SNX14: variants seen among roughly 807,000 people sequenced by gnomAD.
SNX14 encodes sorting nexin-14.
SNX14 carries 93 observed loss-of-function variants against 133.8 expected under a neutral mutation model. The ratio of observed to expected loss-of-function variants is 0.70; its 90% CI spans 0.59 to 0.83. The LOEUF is 0.83. Ranked by LOEUF, SNX14 falls within the 40% of genes least tolerant of loss-of-function variation. The pLI, the probability that SNX14 is intolerant of heterozygous loss-of-function variation, is 0.00. For synonymous variants in SNX14, 368 were observed against 365.6 expected (o/e 1.01, Z -0.07); for missense variants, 945 against 1,094.9 (o/e 0.86, Z 1.93).
intron 6 of SNX14, chr6:85,561,414 G>A (rs1435088361): frequency 6.6e-6 from 1 of 151,600 alleles, no homozygotes; most frequent in Non-Finnish European, 1.5e-5. Flanking sequence ...ACGTTTATTA[G>A]CTAACCGTAA....
At chr6:85,528,013 C>A (rs1183190503) in intron 20 of SNX14, among the ~76,000 whole-genome samples, 1 of 151,794 alleles carries the variant, frequency 6.6e-6, no homozygotes, top group Non-Finnish European at 1.5e-5. Flanking sequence ...TTGTAACTAG[C>A]CTAAAACTAA....
chr6:85,550,750 C>G (rs1462452255), intron 7 of SNX14, among the ~76,000 whole-genome samples: 1 of 151,854 alleles, frequency 6.6e-6, no homozygotes, highest in Non-Finnish European at 1.5e-5. Flanking sequence ...CTGCTCACTC[C>G]GGCCTCCCAA....
chr6:85,566,070 C>T (rs550975606), intron 5 of SNX14, among the ~76,000 whole-genome samples: 1 of 152,308 alleles, frequency 6.6e-6, no homozygotes, highest in African/African-American at 2.4e-5. Context: ...ATTGTATCAA[C>T]CATGCTTCCC....
At chr6:85,526,073 A>T in intron 21 of SNX14, 53 bp downstream of exon 21, 1 of 1,194,296 alleles carries the variant, frequency 8.4e-7, no homozygotes, top group Non-Finnish European at 1.2e-6. Flanking sequence ...TAATCTGAAA[A>T]TGCTGATTCT....
chr6:85,545,984 A>C (rs1009520561), intron 12 of SNX14, among the ~76,000 whole-genome samples: 1 of 152,180 alleles, frequency 6.6e-6, no homozygotes, highest in Non-Finnish European at 1.5e-5. Flanking sequence ...CGCCTTGCCC[A>C]AACTACTTAT....
intron 13 of SNX14, 92 bp from the exon 14 acceptor site, chr6:85,543,398 CTAGAT>C: frequency 1.6e-6 from 2 of 1,240,692 alleles, no homozygotes; most frequent in Non-Finnish European, 2.2e-6. Context: ...CTGAAACACA[CTAGAT>C]TGAGAAATTA....
chr6:85,583,412 C>T (rs1799661626), intron 1 of SNX14, among the ~76,000 whole-genome samples: 1 of 152,112 alleles, frequency 6.6e-6, no homozygotes, highest in South Asian at 2.1e-4. Context: ...GGCAATCAGG[C>T]AAAAGAAAGA....
chr6:85,521,254 G>T lies in SNX14; in HGVS notation c.2108-3206C>A, dbSNP rs538784141. On this transcript the variant is annotated intron_variant, in intron 21 of 28. Transcript: ENST00000314673. ...AAGTGTTTTTTCTTTTGTTTTTAGAGAAAGGGTCTCACTCTGTCACTCAGG... is the reference window on the plus strand; with the variant it reads ...AAGTGTTTTTTCTTTTGTTTTTAGATAAAGGGTCTCACTCTGTCACTCAGG... Among the ~76,000 whole-genome samples the T allele has an allele frequency of 1.2e-3, 177 of 152,172 alleles. 1 individual carries two copies. The highest frequency in any genetic ancestry group is 3.9e-3 in the African/African-American group (163 of 41,516).
Position 85,574,345 on chromosome 6 carries a change from A to T in SNX14, c.174T>A (p.Phe58Leu). The change falls in exon 2 of 29, where the codon TTT (phenylalanine) becomes TTA (leucine). Residue 58 changes from phenylalanine (F) to leucine (L), a missense_variant. Physicochemically the swap from Phe to Leu is conservative, Grantham distance 22 (BLOSUM62 0). Coordinates refer to ENST00000314673, the MANE Select transcript of SNX14 (RefSeq NM_153816.6). ...AGTAGAATGTGACAACTCCAGCAAC[A>T]AATGACCAGAAGATCATTAAAATAT... Reference protein sequence around the residue: ...YIHILMIFWSFVAGVVTFYCS... With the variant: ...YIHILMIFWSLVAGVVTFYCS... The T allele has an allele frequency of 6.4e-7, 1 of 1,571,532 alleles. No individual in the cohort carries two copies. Among genetic ancestry groups the T allele is most frequent in the South Asian group, 1.1e-5 (1 of 88,532 alleles).
chr6:85,512,313 G>A (rs1417998666), intron 26 of SNX14, among the ~76,000 whole-genome samples: 1 of 152,038 alleles, frequency 6.6e-6, no homozygotes, highest in Non-Finnish European at 1.5e-5. Context: ...GGCCCTGGAG[G>A]TAAAACTCAC....
chr6:85,533,680 C>A lies in SNX14; in HGVS notation c.1729G>T (p.Asp577Tyr), dbSNP rs1450820735. 2.5e-6 allele frequency: 4 copies of A among 1,613,846 alleles called. No homozygotes were observed. The highest frequency in any genetic ancestry group is 3.4e-6 in the Non-Finnish European group (4 of 1,180,010). ...ISIPYVDFFE[D>Y]PSSERKEKKE... ...TTCTCCTTCCTTTCAGAGGAGGGAT[C>A]CTCAAAAAAGTCTACATATGGAATG... The change falls in exon 18 of 29, where the codon GAT becomes TAT. Residue 577 changes from aspartate to tyrosine, a missense_variant. By Grantham distance (160) the Asp-to-Tyr change is radical. Coordinates refer to ENST00000314673, the MANE Select transcript of SNX14 (RefSeq NM_153816.6).
intron 1 of SNX14, among the ~76,000 whole-genome samples, chr6:85,578,185 G>A (rs115731820): frequency 2.8e-3 from 427 of 152,250 alleles, no homozygotes; most frequent in African/African-American, 9.7e-3. Context: ...GAGTTGTTAG[G>A]ATTCAGAATC....
At chr6:85,541,731 A>C (rs1424869421) in intron 15 of SNX14, among the ~76,000 whole-genome samples, 1 of 152,202 alleles carries the variant, frequency 6.6e-6, no homozygotes, top group Non-Finnish European at 1.5e-5. Flanking sequence ...AAAGCTGGTA[A>C]TCAAAACTAA....
At position 85,581,721 on chromosome 6, in the gene SNX14, TAG is replaced by T. The variant is rs1486392918; in HGVS notation, c.141-7345_141-7344del. 7 of 152,314 alleles carry T rather than the reference TAG, an allele frequency of 4.6e-5. No individual in the cohort carries two copies. In the East Asian group the frequency reaches 1.3e-3, roughly 29 times the overall value. The allele number at this position is 152,314 out of a possible 1,614,324, so 9.4% of individuals were successfully genotyped here. ...GCAACTGACATATAGAAGAATGCAT[TAG>T]AGTCTCTTAATAGTAGAAGTGATCA... On this transcript the variant is annotated intron_variant, in intron 1 of 28. Coordinates refer to ENST00000314673, the MANE Select transcript of SNX14 (RefSeq NM_153816.6).
intron 13 of SNX14, 109 bp from the exon 14 acceptor site, chr6:85,543,415 A>T: frequency 8.7e-7 from 1 of 1,148,990 alleles, no homozygotes; most frequent in Middle Eastern, 3.0e-4. Flanking sequence ...GAGAAATTAG[A>T]CCAACCAAGC....
At chr6:85,574,119 CAA>C (rs34519767) in intron 2 of SNX14, 137 bp downstream of exon 2, 20 of 422,016 alleles carry the variant, frequency 4.7e-5, no homozygotes, top group South Asian at 9.1e-5. Context: ...CTAAAAAAAA[CAA>C]AAAAAAAAAA....
At chr6:85,555,397 T>A (rs1789353484) in intron 7 of SNX14, among the ~76,000 whole-genome samples, 1 of 151,948 alleles carries the variant, frequency 6.6e-6, no homozygotes, top group South Asian at 2.1e-4. Context: ...AATAACTGAG[T>A]AGTAAAAAGA....
intron 16 of SNX14, 80 bp from the exon 17 acceptor site, chr6:85,537,004 A>AT: frequency 7.1e-7 from 1 of 1,417,448 alleles, no homozygotes; most frequent in Non-Finnish European, 9.4e-7. Context: ...TTATTAAAAA[A>AT]AAGAAAAACA....
In SNX14 at chr6:85,533,780, T is replaced by C; in HGVS notation, c.1629A>G (p.Val543=). The stretch of plus-strand genomic sequence containing the variant: ...CCTCCACTGGAGAATCATCTTCCAT[T>C]ACAACAATACCTTCTTCAATCTGGA... The part of the protein sequence containing the change: ...EDDFIEEGIV[V]MEDDSPVEAV... Residue 543 remains valine, a synonymous_variant, in exon 18 of 29, where the codon GTA becomes GTG. Coordinates refer to ENST00000314673, the MANE Select transcript of SNX14 (RefSeq NM_153816.6). 6.2e-7 allele frequency: 1 copy of C among 1,612,900 alleles called. No homozygotes were observed. Among genetic ancestry groups the C allele is most frequent in the East Asian group, 2.2e-5 (1 of 44,868 alleles).
Sources: gnomAD v4.1 joint callset for allele counts (sites outside exome capture counted in the v4.1 genomes callset) on GRCh38, gnomAD v4.1.1 for gene constraint, MANE v1.5 for transcripts, NCBI Gene and HGNC (gene_info 2026-07-23, HGNC 2026-07-21) for gene names.